Variants in GRAP2 observed in about 807,000 individuals in gnomAD.
GRAP2 encodes GRB2-related adapter protein 2.
In GRAP2, 31 loss-of-function variants were observed where a neutral mutation model predicts 43.5. The ratio of observed to expected loss-of-function variants is 0.71; its 90% CI spans 0.54 to 0.96. The LOEUF is 0.96. Ranked by LOEUF, GRAP2 falls within the 40% of genes least tolerant of loss-of-function variation. The probability of loss-of-function intolerance (pLI) is 0.00; values close to 1 mark genes in which losing one functional copy is unlikely to be tolerated. For missense variants in GRAP2, 371 were observed against 424.4 expected (o/e 0.87, Z 1.11); for synonymous variants, 156 against 164.8 (o/e 0.95, Z 0.41).
At chr22:39,939,946 C>A (rs1285884883) in intron 1 of GRAP2, among the ~76,000 whole-genome samples, 1 of 152,082 alleles carries the variant, frequency 6.6e-6, no homozygotes, top group African/African-American at 2.4e-5. Context: ...ATGGCCACCC[C>A]CAAGTTCATA....
At position 39,922,935 on chromosome 22, in the gene GRAP2, G is replaced by A. The variant is rs554742520; in HGVS notation, c.-15+21605G>A. ...CATGCGCCTGTAGTCCCAGCTATTC[G>A]GGAGGCTGAGGCAGGAGAATTGCTT... On this transcript the variant is annotated intron_variant, in intron 1 of 7. Transcript: ENST00000344138. Among the ~76,000 whole-genome samples the A allele has an allele frequency of 1.7e-4, 26 of 152,190 alleles. 1 individual carries two copies. The South Asian group carries it at 4.8e-3, about 28-fold the overall frequency.
rs186714357 is a variant in GRAP2 at position 39,953,671 on chromosome 22, A to G, written c.79-2148A>G. On this transcript the variant is annotated intron_variant, in intron 2 of 7. Transcript: ENST00000344138. Reference sequence around the variant, plus strand: ...GTTGTCCAGGCTGTAGTACAGTGGTACAATCAGAGCTCACTACAGCCTTTA... The same window carrying G: ...GTTGTCCAGGCTGTAGTACAGTGGTGCAATCAGAGCTCACTACAGCCTTTA... Among the ~76,000 whole-genome samples, 4 of 152,286 alleles carry G rather than the reference A, an allele frequency of 2.6e-5. No homozygotes were observed. The East Asian group carries it at 7.7e-4, about 29-fold the overall frequency.
chr22:39,919,816 T>C (rs1461971507), intron 1 of GRAP2, among the ~76,000 whole-genome samples: 2 of 152,252 alleles, frequency 1.3e-5, no homozygotes, highest in Non-Finnish European at 2.9e-5. Context: ...TAAATAAGGA[T>C]GCATGCATTC....
At chr22:39,918,440 T>G (rs193184188) in intron 1 of GRAP2, among the ~76,000 whole-genome samples, 1 of 152,346 alleles carries the variant, frequency 6.6e-6, no homozygotes, top group Non-Finnish European at 1.5e-5. Context: ...ACTCTGCCAT[T>G]CACCTCATTT....
Position 39,901,192 on chromosome 22 carries a change from G to C in GRAP2, c.-153G>C. 2.7e-6 allele frequency: 2 copies of C among 743,926 alleles called. No homozygotes were observed. Among genetic ancestry groups the C allele is most frequent in the Non-Finnish European group, 4.1e-6 (2 of 490,826 alleles). The allele number at this position is 743,926 out of a possible 1,614,324, so 46.1% of individuals were successfully genotyped here. ...TGCACCCTCTTTCAGAGTGGTACATGGAAGACAGCACAAAGTGGATCCATA... is the reference window on the plus strand; with the variant it reads ...TGCACCCTCTTTCAGAGTGGTACATCGAAGACAGCACAAAGTGGATCCATA... On this transcript the variant is annotated 5_prime_UTR_variant, in exon 1 of 8. It removes an upstream start codon present in the reference 5' UTR. Coordinates refer to ENST00000344138, the MANE Select transcript of GRAP2 (RefSeq NM_004810.4).
chr22:39,946,962 G>C (rs1329013165), intron 1 of GRAP2, 131 bp from the exon 2 acceptor site: 1 of 663,250 alleles, frequency 1.5e-6, no homozygotes, highest in Non-Finnish European at 2.8e-6. Flanking sequence ...GTGTGCCTGA[G>C]CCTTGCTCTC....
chr22:39,924,900 C>A (rs1357311875), intron 1 of GRAP2, among the ~76,000 whole-genome samples: 1 of 152,188 alleles, frequency 6.6e-6, no homozygotes, highest in African/African-American at 2.4e-5. Context: ...ACATAGTAAG[C>A]TCTGCACTGG....
upstream of GRAP2, among the ~76,000 whole-genome samples, chr22:39,899,751 G>A (rs1232053587): frequency 6.6e-6 from 1 of 152,114 alleles, no homozygotes; most frequent in Non-Finnish European, 1.5e-5. Flanking sequence ...GGGAGGTTGA[G>A]GCGGGCGGAT....
rs192511135 is a variant in GRAP2, at chr22:39,958,333, C to A, written c.171-1722C>A. On this transcript the variant is annotated intron_variant, in intron 3 of 7. Transcript: ENST00000344138. Reference sequence around the variant, plus strand: ...CCTTACATTAATCTCCCACCCACAGCGCCCCATCTCTCCTCTCAGTTTTCA... The same window carrying A: ...CCTTACATTAATCTCCCACCCACAGAGCCCCATCTCTCCTCTCAGTTTTCA... 2.1e-3 allele frequency among the ~76,000 whole-genome samples: 324 copies of A among 152,144 alleles called. 2 individuals are homozygous for A. Among genetic ancestry groups the A allele is most frequent in the Non-Finnish European group, 1.7e-3 (118 of 67,980 alleles).
At chr22:39,961,527 G>A (rs150622835) in intron 4 of GRAP2, among the ~76,000 whole-genome samples, 4 of 152,300 alleles carry the variant, frequency 2.6e-5, no homozygotes, top group African/African-American at 4.8e-5. Flanking sequence ...GGCCAGGAGT[G>A]GGGGAGGACT....
At chr22:39,960,303 G>C in intron 4 of GRAP2, 129 bp downstream of exon 4, 1 of 828,212 alleles carries the variant, frequency 1.2e-6, no homozygotes, top group South Asian at 1.6e-5. Flanking sequence ...GGCCAAGCAT[G>C]GCAGCAGCTT....
intron 5 of GRAP2, 132 bp from the exon 6 acceptor site, chr22:39,967,910 A>G (rs1329579866): frequency 1.7e-6 from 2 of 1,161,598 alleles, no homozygotes; most frequent in East Asian, 5.2e-5. Flanking sequence ...ATTATCTTTT[A>G]GCTGCCCCCA....
At chr22:39,954,557 G>T (rs1199022930) in intron 2 of GRAP2, among the ~76,000 whole-genome samples, 1 of 152,108 alleles carries the variant, frequency 6.6e-6, no homozygotes, top group Non-Finnish European at 1.5e-5. Flanking sequence ...ACCAGGCCCG[G>T]CTCCTTTTTG....
At chr22:39,954,150 T>C (rs1262032298) in intron 2 of GRAP2, among the ~76,000 whole-genome samples, 3 of 152,248 alleles carry the variant, frequency 2.0e-5, no homozygotes, top group African/African-American at 7.2e-5. Context: ...ATGGATGCCT[T>C]TTCTATCTAT....
intron 1 of GRAP2, among the ~76,000 whole-genome samples, chr22:39,906,055 A>G (rs988311736): frequency 6.6e-6 from 1 of 152,208 alleles, no homozygotes; most frequent in Non-Finnish European, 1.5e-5. Context: ...CTTGGAACAG[A>G]AAAGAGTAGG....
At chr22:39,935,748 G>T (rs143692710) in intron 1 of GRAP2, among the ~76,000 whole-genome samples, 2 of 152,278 alleles carry the variant, frequency 1.3e-5, no homozygotes, top group East Asian at 3.9e-4. Context: ...TGAGGGCTTG[G>T]GAGCGTAAGT....
chr22:39,927,308 T>C (rs1175418025), intron 1 of GRAP2, among the ~76,000 whole-genome samples: 1 of 152,168 alleles, frequency 6.6e-6, no homozygotes, highest in Non-Finnish European at 1.5e-5. Context: ...TATTTCATTG[T>C]TGATTTGTGG....
intron 1 of GRAP2, among the ~76,000 whole-genome samples, chr22:39,940,610 T>A (rs747466929): frequency 6.6e-6 from 1 of 151,968 alleles, no homozygotes; most frequent in Admixed American, 6.6e-5. Flanking sequence ...CAAACACAGA[T>A]GTAAGATGCA....
chr22:39,961,816 G>T (rs982081797), intron 4 of GRAP2, among the ~76,000 whole-genome samples: 2 of 152,206 alleles, frequency 1.3e-5, no homozygotes, highest in Non-Finnish European at 2.9e-5. Context: ...AAGGCATAAA[G>T]CTTTGTTTTA....
Sources: gnomAD v4.1 joint callset for allele counts (sites outside exome capture counted in the v4.1 genomes callset) on GRCh38, gnomAD v4.1.1 for gene constraint, MANE v1.5 for transcripts, NCBI Gene and HGNC (gene_info 2026-07-23, HGNC 2026-07-21) for gene names.